Variants in ATAD3B observed in about 807,000 individuals in gnomAD.
ATAD3B encodes the protein ATPase family AAA domain containing 3B.
ATAD3B carries 59 observed loss-of-function variants against 70.2 expected under a neutral mutation model. That is an observed-to-expected ratio of 0.84 (90% CI 0.68 to 1.04). The LOEUF is 1.04. Among genes scored for constraint, ATAD3B ranks in the 50% least tolerant of loss-of-function variants. ATAD3B has a pLI of 0.00. For synonymous variants in ATAD3B, 423 were observed against 388.6 expected, an observed-to-expected ratio of 1.09 and a Z score of -1.04; for missense variants, 961 against 913.4, an observed-to-expected ratio of 1.05 and a Z score of -0.67.
chr1:1,489,437 G>A, intron 13 of ATAD3B, 163 bp downstream of exon 13: 1 of 1,309,532 alleles, frequency 7.6e-7, no homozygotes, highest in East Asian at 2.5e-5. Flanking sequence ...GACAGCACGG[G>A]GTGTCATTGA....
chr1:1,477,828 C>A (rs1295948783), intron 2 of ATAD3B, among the ~76,000 whole-genome samples: 1 of 151,638 alleles, frequency 6.6e-6, no homozygotes, highest in African/African-American at 2.4e-5. Flanking sequence ...GCCTCAGCCT[C>A]TGGAGTAGCT....
intron 7 of ATAD3B, chr1:1,483,454 C>T (rs570648101): frequency 1.0e-5 from 2 of 197,268 alleles, no homozygotes; most frequent in East Asian, 1.8e-4. Context: ...GGAAGAAGAG[C>T]GAAACTCTGT....
rs569921211 is a variant in ATAD3B, at chr1:1,480,405, G to A, written c.445-462G>A. 4.1e-3 allele frequency among the ~76,000 whole-genome samples: 594 copies of A among 146,512 alleles called. 64 individuals are homozygous for A. The highest frequency in any genetic ancestry group is 0.014 in the African/African-American group (565 of 39,110). On this transcript the variant is annotated intron_variant, in intron 4 of 15. Transcript: ENST00000673477. ...CTTGGGAGGGCTGGTCAGTGGCGGC[G>A]GGCGGGTCTCTGGGTCTATGAGAAA...
At position 1,480,405 on chromosome 1, in the gene ATAD3B, G is replaced by C. The variant is rs569921211; in HGVS notation, c.445-462G>C. Among the ~76,000 whole-genome samples, 4 of 146,412 alleles carry C rather than the reference G, an allele frequency of 2.7e-5. 1 individual carries two copies. Among genetic ancestry groups the C allele is most frequent in the African/African-American group, 7.7e-5 (3 of 39,004 alleles). ...CTTGGGAGGGCTGGTCAGTGGCGGC[G>C]GGCGGGTCTCTGGGTCTATGAGAAA... is the stretch of plus-strand genomic sequence containing the variant. On this transcript the variant is annotated intron_variant, in intron 4 of 15. Coordinates refer to ENST00000673477, the MANE Select transcript of ATAD3B (RefSeq NM_031921.6).
chr1:1,482,334 A>G (rs772133671), intron 6 of ATAD3B, 31 bp downstream of exon 6: 1 of 1,547,604 alleles, frequency 6.5e-7, no homozygotes, highest in Non-Finnish European at 8.7e-7. Flanking sequence ...GGCCGGCCAC[A>G]GATGGAGCCC....
chr1:1,499,188 G>C (rs1433337528), downstream of ATAD3B, among the ~76,000 whole-genome samples: 3 of 151,082 alleles, frequency 2.0e-5, 1 homozygote, highest in East Asian at 5.9e-4. Context: ...AGCCAGGATG[G>C]TCTCGATCTC....
intron 1 of ATAD3B, among the ~76,000 whole-genome samples, chr1:1,473,455 C>T (rs1180996427): frequency 6.6e-6 from 1 of 151,266 alleles, no homozygotes; most frequent in Non-Finnish European, 1.5e-5. Flanking sequence ...CCACCCGCCT[C>T]GGCCTCCCAA....
rs1357502345 is a variant in ATAD3B at position 1,491,274 on chromosome 1, G to A, written c.1614+603G>A. Reference sequence around the variant, plus strand: ...GATCAGGCCGGGCGCGGTGGCTCACGCCTGCAATCCCAGCACTTTGGGAGG... The same window carrying A: ...GATCAGGCCGGGCGCGGTGGCTCACACCTGCAATCCCAGCACTTTGGGAGG... On this transcript the variant is annotated intron_variant, in intron 15 of 15. Transcript: ENST00000673477. Among the ~76,000 whole-genome samples, 3 of 152,010 alleles carry A rather than the reference G, an allele frequency of 2.0e-5. 1 individual carries two copies. Among genetic ancestry groups the A allele is most frequent in the Admixed American group, 1.3e-4 (2 of 15,220 alleles).
intron 10 of ATAD3B, 93 bp from the exon 11 acceptor site, chr1:1,486,451 C>T: frequency 1.2e-6 from 2 of 1,609,476 alleles, no homozygotes; most frequent in Non-Finnish European, 1.7e-6. Context: ...GACAGGGACA[C>T]CCGGCAGGGG....
At chr1:1,486,328 C>T (rs2100573402) in intron 10 of ATAD3B, 93 bp downstream of exon 10, 2 of 1,604,338 alleles carry the variant, frequency 1.2e-6, no homozygotes, top group Non-Finnish European at 1.7e-6. Context: ...GGGGAATGGA[C>T]CCCCCTTAGG....
rs191121680 is a variant in ATAD3B at position 1,487,967 on chromosome 1, G to A, written c.1266+53G>A. The A allele has an allele frequency of 2.6e-4, 420 of 1,605,236 alleles. 2 individuals are homozygous for A. The East Asian group carries it at 6.8e-3, about 26-fold the overall frequency. On this transcript the variant is annotated intron_variant, in intron 12 of 15. Coordinates refer to ENST00000673477, the MANE Select transcript of ATAD3B (RefSeq NM_031921.6). ...CACAGGAGGGTGGTCGGGTGGGCGC[G>A]GCTGTCATCCTGGGCCAGGCTGCAG... is the stretch of plus-strand genomic sequence containing the variant.
chr1:1,473,134 C>T (rs1570177375), intron 1 of ATAD3B, among the ~76,000 whole-genome samples: 1 of 84,374 alleles, frequency 1.2e-5, no homozygotes, highest in East Asian at 5.2e-4. Context: ...GAAGGGATTC[C>T]TTTTTTTTTT....
chr1:1,474,765 C>T (rs569213244), intron 1 of ATAD3B, among the ~76,000 whole-genome samples: 2 of 152,038 alleles, frequency 1.3e-5, no homozygotes, highest in African/African-American at 2.4e-5. Flanking sequence ...CCTCCCAAAG[C>T]GCTGGGATGA....
chr1:1,495,831 AG>A lies in ATAD3B; in HGVS notation c.*18del, dbSNP rs1261029315. 1 of 1,539,840 alleles carries A rather than the reference AG, an allele frequency of 6.5e-7. No individual in the cohort carries two copies. The highest frequency in any genetic ancestry group is 1.2e-5 in the South Asian group (1 of 81,348). On this transcript the variant is annotated 3_prime_UTR_variant, in exon 16 of 16. Transcript: ENST00000673477. The stretch of plus-strand genomic sequence containing the variant: ...CCCCTGTTGTAGGCACTGGCTAGGG[AG>A]GGGCAGGCCTCCTTCCTGCCCCTCG...
intron 3 of ATAD3B, 41 bp downstream of exon 3, chr1:1,478,786 G>A (rs754392079): frequency 8.4e-6 from 12 of 1,423,936 alleles, no homozygotes; most frequent in South Asian, 5.3e-5. Context: ...GCCCGGCTGC[G>A]GGGAGCGGCC....
chr1:1,475,470 G>C (rs933154378), intron 1 of ATAD3B, among the ~76,000 whole-genome samples: 1 of 151,160 alleles, frequency 6.6e-6, no homozygotes, highest in Non-Finnish European at 1.5e-5. Flanking sequence ...GCCGAGATTC[G>C]CCCGTTGCTT....
intron 13 of ATAD3B, chr1:1,490,045 C>G (rs1328219840): frequency 7.1e-7 from 1 of 1,400,534 alleles, no homozygotes; most frequent in East Asian, 2.7e-5. Flanking sequence ...AACAGAGGCC[C>G]GAGAAGCCGG....
At chr1:1,499,091 C>T (rs1640882828), downstream of ATAD3B, among the ~76,000 whole-genome samples, 1 of 151,754 alleles carries the variant, frequency 6.6e-6, no homozygotes, top group Non-Finnish European at 1.5e-5. Flanking sequence ...CCTGCCTCAG[C>T]CTCCTGAGTA....
chr1:1,476,152 C>T (rs1639576790), intron 1 of ATAD3B, among the ~76,000 whole-genome samples: 2 of 144,800 alleles, frequency 1.4e-5, no homozygotes. Flanking sequence ...GTGCTCTGTT[C>T]ACTGGGGCCC....
Sources: gnomAD v4.1 joint callset for allele counts (sites outside exome capture counted in the v4.1 genomes callset) on GRCh38, gnomAD v4.1.1 for gene constraint, MANE v1.5 for transcripts, NCBI Gene and HGNC (gene_info 2026-07-23, HGNC 2026-07-21) for gene names.